The following AGFG1 variants were observed in gnomAD, a reference collection of about 807,000 sequenced individuals.
AGFG1 encodes ArfGAP with FG repeats 1, also known as arf-GAP domain and FG repeat-containing protein 1.
AGFG1 carries 10 observed loss-of-function variants against 60.6 expected under a neutral mutation model. The ratio of observed to expected loss-of-function variants is 0.16; its 90% CI spans 0.10 to 0.28. The LOEUF (loss-of-function observed/expected upper bound fraction) is 0.28. Among genes scored for constraint, AGFG1 ranks in the 10% least tolerant of loss-of-function variants. The probability of loss-of-function intolerance (pLI) is 1.00; values close to 1 mark genes in which losing one functional copy is unlikely to be tolerated. For missense variants in AGFG1, 537 were observed against 676.5 expected, an observed-to-expected ratio of 0.79 and a Z score of 2.29; for synonymous variants, 247 against 242.9, an observed-to-expected ratio of 1.02 and a Z score of -0.16.
At chr2:227,532,195 T>G (rs1486089175) in intron 6 of AGFG1, 3 of 1,548,428 alleles carry the variant, frequency 1.9e-6, no homozygotes, top group Non-Finnish European at 2.6e-6. Context: ...GCTTTTCCTC[T>G]TCAGGCTACC....
At chr2:227,529,102 A>G (rs138653446) in intron 5 of AGFG1, among the ~76,000 whole-genome samples, 26 of 152,238 alleles carry the variant, frequency 1.7e-4, no homozygotes, top group African/African-American at 6.3e-4. Flanking sequence ...AATAAAATGT[A>G]TATGCCTGTT....
intron 5 of AGFG1, among the ~76,000 whole-genome samples, chr2:227,526,805 A>G (rs1692009935): frequency 6.6e-6 from 1 of 152,040 alleles, no homozygotes; most frequent in South Asian, 2.1e-4. Context: ...TGGCCTCCCA[A>G]AGTACTGGGA....
intron 10 of AGFG1, among the ~76,000 whole-genome samples, chr2:227,545,971 T>C (rs1189601291): frequency 6.6e-6 from 1 of 152,226 alleles, no homozygotes; most frequent in Non-Finnish European, 1.5e-5. Flanking sequence ...AGTCTGGCCA[T>C]TCTCAGATCT....
intron 5 of AGFG1, among the ~76,000 whole-genome samples, chr2:227,526,539 C>CTTTTTTT (rs777649930): frequency 3.2e-5 from 3 of 92,484 alleles, no homozygotes; most frequent in African/African-American, 4.4e-5. Flanking sequence ...TGCCCAGCCT[C>CTTTTTTT]TTTTTTTTTT....
intron 10 of AGFG1, among the ~76,000 whole-genome samples, chr2:227,539,192 C>G (rs1237992343): frequency 6.6e-6 from 1 of 152,146 alleles, no homozygotes; most frequent in African/African-American, 2.4e-5. Context: ...CCTGTAATCC[C>G]AGCACTTTGG....
In AGFG1 at chr2:227,555,363, A is replaced by G. The variant is rs1692943748; in HGVS notation, c.*868A>G. On this transcript the variant is annotated 3_prime_UTR_variant, in exon 13 of 13. Transcript: ENST00000310078. Reference sequence around the variant, plus strand: ...CTACTAATTTCTTTGCAGCTTATTAATTTTGTGAAATTTGTATATATGAAG... The same window carrying G: ...CTACTAATTTCTTTGCAGCTTATTAGTTTTGTGAAATTTGTATATATGAAG... 1 of 152,560 alleles carries G rather than the reference A, an allele frequency of 6.6e-6. No individual in the cohort carries two copies. Among genetic ancestry groups the G allele is most frequent in the Non-Finnish European group, 1.5e-5 (1 of 67,982 alleles). The allele number at this position is 152,560 out of a possible 1,614,324, so 9.5% of individuals were successfully genotyped here. A position where few individuals can be genotyped will look rare whatever the true frequency, so the allele number is the denominator to read the frequency against.
intron 10 of AGFG1, among the ~76,000 whole-genome samples, chr2:227,548,244 A>G (rs1692712258): frequency 6.6e-6 from 1 of 152,212 alleles, no homozygotes; most frequent in South Asian, 2.1e-4. Flanking sequence ...GGGGATGAAA[A>G]TATTCTAAAA....
intron 1 of AGFG1, among the ~76,000 whole-genome samples, chr2:227,474,689 G>A (rs927697641): frequency 5.3e-5 from 8 of 152,188 alleles, no homozygotes; most frequent in African/African-American, 1.9e-4. Flanking sequence ...GAATGAGATA[G>A]CCAGGAAATA....
chr2:227,535,640 AT>A (rs1692287148), intron 8 of AGFG1, among the ~76,000 whole-genome samples: 1 of 152,154 alleles, frequency 6.6e-6, no homozygotes, highest in Non-Finnish European at 1.5e-5. Context: ...AATACAAGAG[AT>A]TTACCTATAA....
At chr2:227,475,805 A>G (rs1254484739) in intron 1 of AGFG1, among the ~76,000 whole-genome samples, 2 of 152,266 alleles carry the variant, frequency 1.3e-5, no homozygotes, top group Admixed American at 6.5e-5. Context: ...TCGTTACTGT[A>G]TTTACTTATT....
At chr2:227,550,762 A>G (rs1316347328) in intron 10 of AGFG1, among the ~76,000 whole-genome samples, 2 of 152,230 alleles carry the variant, frequency 1.3e-5, no homozygotes, top group Admixed American at 1.3e-4. Context: ...TAAAAATAAA[A>G]GACATTCCGT....
chr2:227,535,487 A>C (rs1438855150), intron 8 of AGFG1, among the ~76,000 whole-genome samples: 2 of 152,222 alleles, frequency 1.3e-5, no homozygotes, highest in South Asian at 4.1e-4. Context: ...TCATCCTCAT[A>C]TTTACAAATA....
intron 1 of AGFG1, among the ~76,000 whole-genome samples, chr2:227,475,294 T>C (rs1353325260): frequency 6.6e-6 from 1 of 152,232 alleles, no homozygotes; most frequent in Non-Finnish European, 1.5e-5. Context: ...TCCAATACTT[T>C]CAGAAGTTCT....
At chr2:227,537,229 A>G (rs1433035568) in intron 10 of AGFG1, among the ~76,000 whole-genome samples, 1 of 152,138 alleles carries the variant, frequency 6.6e-6, no homozygotes, top group East Asian at 1.9e-4. Context: ...TAAAGCTTTC[A>G]TTTTTCAGGT....
At chr2:227,511,377 T>C (rs907778028) in intron 2 of AGFG1, among the ~76,000 whole-genome samples, 1 of 152,198 alleles carries the variant, frequency 6.6e-6, no homozygotes, top group African/African-American at 2.4e-5. Context: ...GTAAATATTT[T>C]AGGCTTTATG....
intron 10 of AGFG1, among the ~76,000 whole-genome samples, chr2:227,544,786 A>G (rs917760773): frequency 6.6e-6 from 1 of 152,108 alleles, no homozygotes; most frequent in Non-Finnish European, 1.5e-5. Context: ...AATATTGGCC[A>G]CCACTCTTTT....
chr2:227,503,127 G>T (rs573795406), intron 2 of AGFG1, among the ~76,000 whole-genome samples: 1 of 152,070 alleles, frequency 6.6e-6, no homozygotes, highest in South Asian at 2.1e-4. Context: ...CAGCTAGTTG[G>T]GAGGCTGAGG....
intron 1 of AGFG1, among the ~76,000 whole-genome samples, chr2:227,490,821 C>G (rs1010960178): frequency 1.3e-5 from 2 of 152,116 alleles, no homozygotes; most frequent in African/African-American, 4.8e-5. Flanking sequence ...TGTGCGTGTT[C>G]AAACATCAAG....
Position 227,554,548 on chromosome 2 carries a change from C to T in AGFG1, c.*53C>T. On this transcript the variant is annotated 3_prime_UTR_variant, in exon 13 of 13. Coordinates refer to ENST00000310078, the MANE Select transcript of AGFG1 (RefSeq NM_004504.5). Reference sequence around the variant, plus strand: ...ACTTTTATGTGGTCACATTACATCTCTCCACCTCTTGCACTGTTGTCTTGT... The same window carrying T: ...ACTTTTATGTGGTCACATTACATCTTTCCACCTCTTGCACTGTTGTCTTGT... 1 of 1,405,216 alleles carries T rather than the reference C, an allele frequency of 7.1e-7. No individual in the cohort carries two copies. The highest frequency in any genetic ancestry group is 1.2e-5 in the South Asian group (1 of 83,632). The allele number at this position is 1,405,216 out of a possible 1,614,324, so 87.0% of individuals were successfully genotyped here.
Sources: allele counts gnomAD v4.1 joint callset (sites outside exome capture counted in the v4.1 genomes callset), GRCh38; gene constraint gnomAD v4.1.1; transcripts MANE v1.5; gene names NCBI Gene and HGNC (gene_info 2026-07-23, HGNC 2026-07-21).